Variants in KSR2 observed in about 807,000 individuals in gnomAD.
KSR2 encodes kinase suppressor of ras 2.
KSR2 carries 25 observed loss-of-function variants against 107.8 expected under a neutral mutation model. That is an observed-to-expected ratio of 0.23 (90% CI 0.17 to 0.32). The LOEUF (loss-of-function observed/expected upper bound fraction) is 0.32, where lower values mean the gene tolerates loss of function less well. KSR2 is among the 10% of genes least tolerant of loss of function. KSR2 has a pLI of 1.00. For synonymous variants in KSR2, 480 were observed against 507.0 expected (o/e 0.95, Z 0.71); for missense variants, 887 against 1,268.9 (o/e 0.70, Z 4.57).
chr12:117,762,062 C>A (rs1188426275), intron 3 of KSR2, among the ~76,000 whole-genome samples: 1 of 152,190 alleles, frequency 6.6e-6, no homozygotes, highest in East Asian at 1.9e-4. Flanking sequence ...ACCCTGTTAC[C>A]CTATTCTCCA....
intron 4 of KSR2, among the ~76,000 whole-genome samples, chr12:117,680,328 A>T (rs971870397): frequency 6.6e-6 from 1 of 152,220 alleles, no homozygotes; most frequent in Non-Finnish European, 1.5e-5. Context: ...AAGCAAGATA[A>T]AATTGAATAT....
intron 1 of KSR2, among the ~76,000 whole-genome samples, chr12:117,966,174 T>C (rs777519788): frequency 1.3e-5 from 2 of 151,342 alleles, no homozygotes; most frequent in Non-Finnish European, 2.9e-5. Context: ...CACATCCCCA[T>C]CCAGGAAGCT....
intron 5 of KSR2, among the ~76,000 whole-genome samples, chr12:117,637,229 A>G (rs370944950): frequency 6.6e-6 from 1 of 152,230 alleles, no homozygotes; most frequent in Non-Finnish European, 1.5e-5. Flanking sequence ...TCAGCCAATT[A>G]TACATCATTT....
intron 3 of KSR2, among the ~76,000 whole-genome samples, chr12:117,851,343 C>G (rs1892914999): frequency 6.6e-6 from 1 of 152,184 alleles, no homozygotes; most frequent in Admixed American, 6.5e-5. Flanking sequence ...GATCCCAGCA[C>G]TTTAGGAGGC....
intron 5 of KSR2, among the ~76,000 whole-genome samples, chr12:117,630,647 G>A (rs889600923): frequency 4.6e-5 from 7 of 152,146 alleles, no homozygotes; most frequent in African/African-American, 1.2e-4. Context: ...GACTGTGGGC[G>A]GTGGTGATGG....
rs1871184017 is a variant in KSR2 at position 117,467,124 on chromosome 12, G to A, written c.*75C>T. The stretch of plus-strand genomic sequence containing the variant: ...TGATGCTGAGTCTCTGGCCTCCTGA[G>A]CTGGCAGAGGACAGAGTAGGGAGGG... On this transcript the variant is annotated 3_prime_UTR_variant, in exon 20 of 20. Transcript: ENST00000339824. 3.3e-6 allele frequency: 2 copies of A among 598,528 alleles called. No homozygotes were observed. Among genetic ancestry groups the A allele is most frequent in the African/African-American group, 1.9e-5 (1 of 52,098 alleles). The allele number at this position is 598,528 out of a possible 1,614,324, so 37.1% of individuals were successfully genotyped here. A position where few individuals can be genotyped will look rare whatever the true frequency, so the allele number is the denominator to read the frequency against.
intron 5 of KSR2, among the ~76,000 whole-genome samples, chr12:117,660,213 G>A (rs557155726): frequency 2.6e-5 from 4 of 152,326 alleles, no homozygotes; most frequent in East Asian, 1.9e-4. Context: ...GGAGGTCTGC[G>A]TTGGTTTCCT....
chr12:117,486,155 C>T (rs531916480), intron 14 of KSR2, among the ~76,000 whole-genome samples: 2 of 152,312 alleles, frequency 1.3e-5, no homozygotes, highest in African/African-American at 4.8e-5. Context: ...GTATCATCAG[C>T]AAACGATGCA....
intron 5 of KSR2, among the ~76,000 whole-genome samples, chr12:117,647,273 A>T (rs1046864961): frequency 2.0e-5 from 3 of 152,166 alleles, no homozygotes; most frequent in Admixed American, 6.5e-5. Context: ...ACTTTTAGCA[A>T]AGGAAAGAAT....
intron 1 of KSR2, among the ~76,000 whole-genome samples, chr12:117,924,750 T>C (rs2137473406): frequency 6.6e-6 from 1 of 152,196 alleles, no homozygotes. Flanking sequence ...GTTAAAAACT[T>C]AAGAGACATA....
intron 5 of KSR2, among the ~76,000 whole-genome samples, chr12:117,624,698 C>A (rs914766976): frequency 6.6e-6 from 1 of 152,100 alleles, no homozygotes; most frequent in Non-Finnish European, 1.5e-5. Flanking sequence ...GCAATGCAGG[C>A]CATTTTTTGG....
chr12:117,777,088 T>TTATTTATATATATATATATA (rs1889713509), intron 3 of KSR2, among the ~76,000 whole-genome samples: 1 of 132,568 alleles, frequency 7.5e-6, no homozygotes, highest in Non-Finnish European at 1.5e-5. Context: ...TATATATATT[T>TTATTTATATATATATATATA]TATATATATA....
Position 117,761,100 on chromosome 12 carries a change from T to A in KSR2, c.897A>T (p.Ile299=). ...GCGCGGTGAATCCCGGGATCAAGTGTATCAGTTTTCGGGAGGAGGGCGGTG... is the reference window on the plus strand; with the variant it reads ...GCGCGGTGAATCCCGGGATCAAGTGAATCAGTTTTCGGGAGGAGGGCGGTG... ...GTPPPSSRKL[I]HLIPGFTALH... is the part of the protein sequence containing the mutation. Residue 299 remains isoleucine, a synonymous_variant, in exon 4 of 20, where the codon ATA becomes ATT. Transcript: ENST00000339824. 6.2e-7 allele frequency: 1 copy of A among 1,613,598 alleles called. No individual in the cohort carries two copies. Among genetic ancestry groups the A allele is most frequent in the East Asian group, 2.2e-5 (1 of 44,836 alleles).
intron 1 of KSR2, among the ~76,000 whole-genome samples, chr12:117,948,950 C>T (rs897675873): frequency 6.6e-5 from 10 of 151,414 alleles, no homozygotes; most frequent in Admixed American, 1.3e-4. Flanking sequence ...AAAAATTAGC[C>T]GGGCATGGTG....
At chr12:117,888,719 C>A (rs941588779) in intron 1 of KSR2, among the ~76,000 whole-genome samples, 3 of 152,170 alleles carry the variant, frequency 2.0e-5, no homozygotes, top group Non-Finnish European at 2.9e-5. Flanking sequence ...AACTTCCCAG[C>A]CTCCAGAACG....
At chr12:117,661,314 AT>A (rs1884423078) in intron 5 of KSR2, among the ~76,000 whole-genome samples, 2 of 152,196 alleles carry the variant, frequency 1.3e-5, no homozygotes, top group South Asian at 4.1e-4. Flanking sequence ...AATTGCTGAA[AT>A]TGGAATCTGG....
intron 7 of KSR2, among the ~76,000 whole-genome samples, chr12:117,573,704 T>C (rs1246471434): frequency 6.6e-6 from 1 of 151,866 alleles, no homozygotes; most frequent in Non-Finnish European, 1.5e-5. Context: ...ATTTTTTGTA[T>C]TTTTAGTGGA....
At chr12:117,771,669 T>A (rs1336010567) in intron 3 of KSR2, among the ~76,000 whole-genome samples, 4 of 152,156 alleles carry the variant, frequency 2.6e-5, no homozygotes. Flanking sequence ...GTTATCCCCA[T>A]CCTACTGATG....
At chr12:117,901,398 G>A (rs1205937707) in intron 1 of KSR2, among the ~76,000 whole-genome samples, 4 of 151,684 alleles carry the variant, frequency 2.6e-5, no homozygotes, top group Non-Finnish European at 5.9e-5. Flanking sequence ...CACCTCCTGG[G>A]TTCAAGCAAT....
Sources: gnomAD v4.1 joint callset for allele counts (sites outside exome capture counted in the v4.1 genomes callset) on GRCh38, gnomAD v4.1.1 for gene constraint, MANE v1.5 for transcripts, NCBI Gene and HGNC (gene_info 2026-07-23, HGNC 2026-07-21) for gene names.